The following SLC16A3 variants were observed in gnomAD, a reference collection of about 807,000 sequenced individuals.
The protein encoded by SLC16A3 is monocarboxylate transporter 4.
SLC16A3 carries 22 observed loss-of-function variants against 25.0 expected under a neutral mutation model. The ratio of observed to expected loss-of-function variants is 0.88; its 90% CI spans 0.63 to 1.26. SLC16A3 has a LOEUF of 1.26. Ranked by LOEUF, SLC16A3 falls within the 50% of genes most tolerant of loss-of-function variation. The pLI is 0.00. For synonymous variants in SLC16A3, 390 were observed against 309.2 expected (o/e 1.26, Z -2.74); for missense variants, 731 against 666.6 (o/e 1.10, Z -1.06).
At chr17:82,218,340 TGGGG>T (rs34801088) in intron 1 of SLC16A3, among the ~76,000 whole-genome samples, 64 of 50,744 alleles carry the variant, frequency 1.3e-3, no homozygotes, top group African/African-American at 5.4e-3. Context: ...CCTCGGTCAC[TGGGG>T]GGGTGGACGG....
At position 82,240,012 on chromosome 17, in the gene SLC16A3, G is replaced by C; in HGVS notation, c.*1036G>C. The C allele has an allele frequency of 8.1e-7, 1 of 1,233,800 alleles. No individual in the cohort carries two copies. The highest frequency in any genetic ancestry group is 3.2e-5 in the East Asian group (1 of 31,688). 76.4% of individuals were successfully genotyped at this position (1,233,800 alleles called of 1,614,324 possible). On this transcript the variant is annotated 3_prime_UTR_variant, in exon 5 of 5. Transcript: ENST00000582743. ...GTCGTGGGCGCTGGGGACGGCAGCG[G>C]GTGCCCTGGCGGGCCGCGTGCAGCC...
At chr17:82,224,809 C>T (rs992385715), upstream of SLC16A3, among the ~76,000 whole-genome samples, 1 of 151,984 alleles carries the variant, frequency 6.6e-6, no homozygotes, top group Non-Finnish European at 1.5e-5. Context: ...CGTGTACACC[C>T]CCAACCCCAC....
At chr17:82,236,603 C>G in intron 2 of SLC16A3, 126 bp from the exon 3 acceptor site, 1 of 1,401,186 alleles carries the variant, frequency 7.1e-7, no homozygotes, top group Non-Finnish European at 9.7e-7. Flanking sequence ...ACGGGGTGCC[C>G]CTGGTGCCCC....
At chr17:82,230,033 C>G (rs1408280568) in intron 1 of SLC16A3, 1 of 152,730 alleles carries the variant, frequency 6.5e-6, no homozygotes, top group Non-Finnish European at 1.5e-5. Flanking sequence ...TTGGCCCACC[C>G]CAAGGCCCAG....
At chr17:82,223,326 G>T (rs2050400789) in intron 1 of SLC16A3, among the ~76,000 whole-genome samples, 1 of 152,060 alleles carries the variant, frequency 6.6e-6, no homozygotes, top group Admixed American at 6.6e-5. Flanking sequence ...GGGATTACCG[G>T]CATGTGCCAT....
upstream of SLC16A3, among the ~76,000 whole-genome samples, chr17:82,227,587 T>A (rs2050432493): frequency 1.4e-5 from 2 of 138,788 alleles, no homozygotes; most frequent in African/African-American, 5.1e-5. Flanking sequence ...CCACCTGCCC[T>A]GGGCGGGAGC....
At position 82,238,689 on chromosome 17, in the gene SLC16A3, G is replaced by GTTT. The variant is rs2050683477; in HGVS notation, c.1124-13_1124-12insTTT. 6.2e-7 allele frequency: 1 copy of GTTT among 1,602,782 alleles called. No homozygotes were observed. The highest frequency in any genetic ancestry group is 1.3e-5 in the African/African-American group (1 of 74,770). ...CCGCATGAGCGGCTGGGACTGACGG[G>GTTT]GTCTTCCCGCAGGCAAACTCCTGGA... On this transcript the variant is annotated splice_polypyrimidine_tract_variant and intron_variant, in intron 4 of 4. Coordinates refer to ENST00000582743, the MANE Select transcript of SLC16A3 (RefSeq NM_004207.4).
intron 1 of SLC16A3, 94 bp downstream of exon 1, chr17:82,229,200 C>T (rs2050454695): frequency 6.6e-6 from 1 of 151,580 alleles, no homozygotes; most frequent in Non-Finnish European, 1.5e-5. Flanking sequence ...GCTCTCACCC[C>T]CACCCCGCCC....
At chr17:82,224,604 G>A (rs1251298881), upstream of SLC16A3, among the ~76,000 whole-genome samples, 2 of 60,122 alleles carry the variant, frequency 3.3e-5, no homozygotes, top group African/African-American at 8.4e-5. Flanking sequence ...CCCTACACCC[G>A]TGCAGACACA....
At chr17:82,229,684 G>C (rs2050462986) in intron 1 of SLC16A3, 1 of 152,268 alleles carries the variant, frequency 6.6e-6, no homozygotes, top group South Asian at 2.1e-4. Context: ...TGGGCTCCCT[G>C]GGTTCGCCCT....
Position 82,237,393 on chromosome 17 carries a change from C to G in SLC16A3, c.623C>G (p.Ser208Trp). 2 of 1,548,214 alleles carry G rather than the reference C, an allele frequency of 1.3e-6. No homozygotes were observed. The highest frequency in any genetic ancestry group is 1.2e-5 in the South Asian group (1 of 85,338). The change falls in exon 4 of 5, where the codon TCG becomes TGG. Residue 208 changes from serine (S) to tryptophan (W), a missense_variant. Physicochemically the swap from Ser to Trp is radical, Grantham distance 177. Transcript: ENST00000582743. ...RPLVVTAQPG[S>W]GPPRPSRRLL... ...CTGGTGGTCACGGCCCAGCCGGGCT[C>G]GGGGCCGCCGCGACCCTCCCGGCGC... is the stretch of plus-strand genomic sequence containing the variant.
upstream of SLC16A3, among the ~76,000 whole-genome samples, chr17:82,225,972 G>A (rs1409489189): frequency 6.6e-6 from 1 of 152,088 alleles, no homozygotes. Context: ...CAGCCCATGG[G>A]GAGGAAGCAG....
rs1310460050 is a variant in SLC16A3, at chr17:82,237,835, C to T, written c.1065C>T (p.Ala355=). 5 of 1,607,736 alleles carry T rather than the reference C, an allele frequency of 3.1e-6. No homozygotes were observed. The South Asian group carries it at 4.4e-5, about 14-fold the overall frequency. ...TGGGCACCCACAAGTTCTCCAGTGC[C>T]ATTGGCCTGGTGCTGCTGATGGAGG... ...AIVGTHKFSS[A]IGLVLLMEAV... is the part of the protein sequence containing the mutation. The change falls in exon 4 of 5, where the codon GCC becomes GCT. Residue 355 remains alanine, a synonymous_variant. Transcript: ENST00000582743.
At chr17:82,226,359 G>A (rs1198531286), upstream of SLC16A3, among the ~76,000 whole-genome samples, 1 of 152,144 alleles carries the variant, frequency 6.6e-6, no homozygotes, top group Non-Finnish European at 1.5e-5. Flanking sequence ...GGGCCACTGT[G>A]GGGGAGCAAG....
Position 82,239,674 on chromosome 17 carries a change from G to T in SLC16A3, c.*698G>T. 1 of 327,512 alleles carries T rather than the reference G, an allele frequency of 3.1e-6. No individual in the cohort carries two copies. Among genetic ancestry groups the T allele is most frequent in the Non-Finnish European group, 5.5e-6 (1 of 180,878 alleles). 20.3% of individuals were successfully genotyped at this position (327,512 alleles called of 1,614,324 possible). A position where few individuals can be genotyped will look rare whatever the true frequency, so the allele number is the denominator to read the frequency against. ...GGTGCCTGGAGGCCGCTGTGCCAGGGTGGCCTCTGAAATGTGCCAGGGAGC... is the reference window on the plus strand; with the variant it reads ...GGTGCCTGGAGGCCGCTGTGCCAGGTTGGCCTCTGAAATGTGCCAGGGAGC... On this transcript the variant is annotated 3_prime_UTR_variant, in exon 5 of 5. Coordinates refer to ENST00000582743, the MANE Select transcript of SLC16A3 (RefSeq NM_004207.4).
chr17:82,236,347 A>T, intron 2 of SLC16A3, 116 bp downstream of exon 2: 1 of 982,496 alleles, frequency 1.0e-6, no homozygotes, highest in South Asian at 1.5e-5. Flanking sequence ...GGAACCCTGG[A>T]GGGAAGCCCT....
At chr17:82,227,652 C>G (rs2050434359), upstream of SLC16A3, among the ~76,000 whole-genome samples, 1 of 21,704 alleles carries the variant, frequency 4.6e-5, no homozygotes, top group African/African-American at 9.6e-5. Flanking sequence ...ACCACCTGCC[C>G]TGGGCGGGAG....
chr17:82,232,729 C>T (rs750743838), intron 1 of SLC16A3, among the ~76,000 whole-genome samples: 25 of 152,056 alleles, frequency 1.6e-4, no homozygotes, highest in Admixed American at 3.9e-4. Context: ...GGCTGTGGGA[C>T]GCAGGGTCTC....
In SLC16A3 at chr17:82,238,721, C is replaced by T. The variant is rs1240945359; in HGVS notation, c.1143C>T (p.Thr381=). Residue 381 remains threonine (T), a synonymous_variant, in exon 5 of 5, where the codon ACC becomes ACT. Transcript: ENST00000582743. The part of the protein sequence containing the change: ...PPSGGKLLDA[T]HVYMYVFILA... ...CCGCAGGCAAACTCCTGGATGCGAC[C>T]CACGTCTACATGTACGTGTTCATCC... The T allele has an allele frequency of 6.2e-7, 1 of 1,611,124 alleles. No homozygotes were observed. The highest frequency in any genetic ancestry group is 8.5e-7 in the Non-Finnish European group (1 of 1,179,376).
Sources: gnomAD v4.1 joint callset for allele counts (sites outside exome capture counted in the v4.1 genomes callset) on GRCh38, gnomAD v4.1.1 for gene constraint, MANE v1.5 for transcripts, NCBI Gene and HGNC (gene_info 2026-07-23, HGNC 2026-07-21) for gene names.